The following FLRT2 variants were observed in gnomAD, a reference collection of about 807,000 sequenced individuals.
FLRT2 encodes leucine-rich repeat transmembrane protein FLRT2.
A neutral mutation model predicts 40.0 loss-of-function variants in FLRT2; 15 were observed. The ratio of observed to expected loss-of-function variants is 0.38; its 90% CI spans 0.25 to 0.58. FLRT2 has a LOEUF of 0.58. Ranked by LOEUF, FLRT2 falls within the 20% of genes least tolerant of loss-of-function variation. The probability of loss-of-function intolerance (pLI) is 0.71; values close to 1 mark genes in which losing one functional copy is unlikely to be tolerated. For synonymous variants in FLRT2, 380 were observed against 336.8 expected, an observed-to-expected ratio of 1.13 and a Z score of -1.41; for missense variants, 726 against 840.0, an observed-to-expected ratio of 0.86 and a Z score of 1.68.
chr14:85,613,470 C>A (rs1334643187), intron 1 of FLRT2, among the ~76,000 whole-genome samples: 3 of 152,206 alleles, frequency 2.0e-5, no homozygotes, highest in African/African-American at 7.2e-5. Context: ...ATCGCTCTAT[C>A]TATCCCTCAA....
Position 85,650,937 on chromosome 14 carries a change from C to T in FLRT2, c.*27440C>T, listed in dbSNP as rs908613726. 6.6e-6 allele frequency: 1 copy of T among 151,988 alleles called. No individual in the cohort carries two copies. Among genetic ancestry groups the T allele is most frequent in the Non-Finnish European group, 1.5e-5 (1 of 68,004 alleles). 9.4% of individuals were successfully genotyped at this position (151,988 alleles called of 1,614,324 possible). A position where few individuals can be genotyped will look rare whatever the true frequency, so the allele number is the denominator to read the frequency against. On this transcript the variant is annotated 3_prime_UTR_variant, in exon 2 of 2. Transcript: ENST00000330753. ...TCTTAGCTTACTGTAGACTCCAACT[C>T]CTGGGCTCAAGAGATACTCTCCTGC... is the stretch of plus-strand genomic sequence containing the variant.
At chr14:85,548,236 G>A (rs182253096) in intron 1 of FLRT2, among the ~76,000 whole-genome samples, 27 of 152,256 alleles carry the variant, frequency 1.8e-4, no homozygotes, top group African/African-American at 5.8e-4. Flanking sequence ...CTTCCCATTA[G>A]ATTTAAATAT....
In FLRT2 at chr14:85,539,797, G is replaced by GCACAA. The variant is rs1209990362; in HGVS notation, c.-377+9263_-377+9264insCACAA. 1.1e-3 allele frequency among the ~76,000 whole-genome samples: 172 copies of GCACAA among 152,280 alleles called. 1 individual carries two copies. Among genetic ancestry groups the GCACAA allele is most frequent in the Non-Finnish European group, 9.8e-4 (67 of 68,022 alleles). ...GCCTGTCTTGTGCTATGATAGACTA[G>GCACAA]GTTTTATATAAATAAAATGGTAACC... On this transcript the variant is annotated intron_variant, in intron 1 of 1. Transcript: ENST00000330753.
intron 1 of FLRT2, among the ~76,000 whole-genome samples, chr14:85,554,968 C>T (rs144855339): frequency 5.3e-5 from 8 of 152,284 alleles, no homozygotes; most frequent in Admixed American, 1.3e-4. Context: ...AGATCTATAA[C>T]ATCATCTAAT....
intron 1 of FLRT2, among the ~76,000 whole-genome samples, chr14:85,590,954 A>C (rs1381237089): frequency 6.6e-6 from 1 of 152,124 alleles, no homozygotes; most frequent in Non-Finnish European, 1.5e-5. Context: ...ACTGAGTCAG[A>C]CTTCTAATCA....
chr14:85,557,828 A>AAATT (rs374882762), intron 1 of FLRT2, among the ~76,000 whole-genome samples: 5 of 149,288 alleles, frequency 3.3e-5, no homozygotes, highest in African/African-American at 5.0e-5. Context: ...ATAAATAAAT[A>AAATT]AATTAATTAA....
In FLRT2 at chr14:85,649,890, A is replaced by G. The variant is rs974364821; in HGVS notation, c.*26393A>G. On this transcript the variant is annotated 3_prime_UTR_variant, in exon 2 of 2. Transcript: ENST00000330753. ...CTGAAGAATGAAGCATTTCTGTCCT[A>G]GGTGATTATAAAGTTTGTTGCTATA... 4 of 152,064 alleles carry G rather than the reference A, an allele frequency of 2.6e-5. No individual in the cohort carries two copies. Among genetic ancestry groups the G allele is most frequent in the African/African-American group, 9.7e-5 (4 of 41,436 alleles). 9.4% of individuals were successfully genotyped at this position (152,064 alleles called of 1,614,324 possible).
intron 1 of FLRT2, among the ~76,000 whole-genome samples, chr14:85,565,678 A>G (rs1410993188): frequency 6.6e-6 from 1 of 152,204 alleles, no homozygotes; most frequent in Non-Finnish European, 1.5e-5. Flanking sequence ...TTAAAATAAA[A>G]GTTGGCATTT....
Position 85,649,521 on chromosome 14 carries a change from T to G in FLRT2, c.*26024T>G, listed in dbSNP as rs147314529. Reference sequence around the variant, plus strand: ...TTTGTTATCAGTAGCACACAATATATTGGATTAAGTTTTTGAATGATGTGC... The same window carrying G: ...TTTGTTATCAGTAGCACACAATATAGTGGATTAAGTTTTTGAATGATGTGC... On this transcript the variant is annotated 3_prime_UTR_variant, in exon 2 of 2. Transcript: ENST00000330753. 1.5e-3 allele frequency: 223 copies of G among 152,204 alleles called. No homozygotes were observed. The highest frequency in any genetic ancestry group is 5.1e-3 in the African/African-American group (213 of 41,560). 9.4% of individuals were successfully genotyped at this position (152,204 alleles called of 1,614,324 possible).
chr14:85,534,276 G>A lies in FLRT2; in HGVS notation c.-377+3742G>A, dbSNP rs576652917. On this transcript the variant is annotated intron_variant, in intron 1 of 1. Coordinates refer to ENST00000330753, the MANE Select transcript of FLRT2 (RefSeq NM_013231.6). ...TGGAACGTGAATCCAGGGGCTTTTA[G>A]TATTCTTCAGTCCAGAGAAATGGTT... 3.3e-5 allele frequency among the ~76,000 whole-genome samples: 5 copies of A among 152,242 alleles called. No homozygotes were observed. The South Asian group carries it at 1.0e-3, about 32-fold the overall frequency.
rs1044081460 is a variant in FLRT2 at position 85,621,444 on chromosome 14, G to T, written c.-71G>T. On this transcript the variant is annotated 5_prime_UTR_variant, in exon 2 of 2. Coordinates refer to ENST00000330753, the MANE Select transcript of FLRT2 (RefSeq NM_013231.6). ...CAACAGAACCCCATCCAGTCATTTT[G>T]ATTTTGCTGTTTATTTTTTTTTTCT... 58 of 1,427,186 alleles carry T rather than the reference G, an allele frequency of 4.1e-5. No individual in the cohort carries two copies. Among genetic ancestry groups the T allele is most frequent in the Middle Eastern group, 3.9e-4 (2 of 5,184 alleles). 88.4% of individuals were successfully genotyped at this position (1,427,186 alleles called of 1,614,324 possible). A position where few individuals can be genotyped will look rare whatever the true frequency, so the allele number is the denominator to read the frequency against.
At chr14:85,595,812 C>T (rs1892115857) in intron 1 of FLRT2, among the ~76,000 whole-genome samples, 1 of 152,118 alleles carries the variant, frequency 6.6e-6, no homozygotes, top group Admixed American at 6.5e-5. Context: ...GTAACAGACC[C>T]AGTGGGAAAA....
At chr14:85,586,169 T>A (rs1891606123) in intron 1 of FLRT2, among the ~76,000 whole-genome samples, 1 of 149,556 alleles carries the variant, frequency 6.7e-6, no homozygotes, top group Non-Finnish European at 1.5e-5. Flanking sequence ...CATATTAATA[T>A]AAATATGATT....
intron 1 of FLRT2, among the ~76,000 whole-genome samples, chr14:85,607,473 C>A (rs1201576603): frequency 6.6e-6 from 1 of 152,124 alleles, no homozygotes; most frequent in Non-Finnish European, 1.5e-5. Flanking sequence ...ATTCATTGAA[C>A]AGAAAAGTAG....
In FLRT2 at chr14:85,652,622, T is replaced by G. The variant is rs1304131675; in HGVS notation, c.*29125T>G. 6.6e-6 allele frequency: 1 copy of G among 152,152 alleles called. No homozygotes were observed. The highest frequency in any genetic ancestry group is 2.4e-5 in the African/African-American group (1 of 41,440). The allele number at this position is 152,152 out of a possible 1,614,324, so 9.4% of individuals were successfully genotyped here. A position where few individuals can be genotyped will look rare whatever the true frequency, so the allele number is the denominator to read the frequency against. On this transcript the variant is annotated 3_prime_UTR_variant, in exon 2 of 2. Transcript: ENST00000330753. ...ACATTATGACTTATTAGGCCACAGT[T>G]AAATATGAGCTTCATCTATTAGTGA...
At chr14:85,620,653 A>G (rs1015577630) in intron 1 of FLRT2, among the ~76,000 whole-genome samples, 1 of 152,182 alleles carries the variant, frequency 6.6e-6, no homozygotes, top group African/African-American at 2.4e-5. Flanking sequence ...AAGTGACTTT[A>G]TTAGTCTCCA....
rs370476404 is a variant in FLRT2 at position 85,622,633 on chromosome 14, C to T, written c.1119C>T (p.Ala373=). 6.2e-7 allele frequency: 1 copy of T among 1,613,930 alleles called. No individual in the cohort carries two copies. The highest frequency in any genetic ancestry group is 8.5e-7 in the Non-Finnish European group (1 of 1,180,022). ...CCGGCCTGCCTCTCTTCACCCCAGCCCCAAGTACAGCTTCTCCGACCACTC... is the reference window on the plus strand; with the variant it reads ...CCGGCCTGCCTCTCTTCACCCCAGCTCCAAGTACAGCTTCTCCGACCACTC... ...TTPGLPLFTP[A]PSTASPTTQP... is the part of the protein sequence containing the mutation. Residue 373 remains alanine (A), a synonymous_variant, in exon 2 of 2, where the codon GCC becomes GCT. Coordinates refer to ENST00000330753, the MANE Select transcript of FLRT2 (RefSeq NM_013231.6).
At chr14:85,616,039 A>G (rs1167239397) in intron 1 of FLRT2, among the ~76,000 whole-genome samples, 1 of 152,166 alleles carries the variant, frequency 6.6e-6, no homozygotes, top group African/African-American at 2.4e-5. Flanking sequence ...CTCAGTTCCT[A>G]TGAAAAGAGT....
At chr14:85,545,726 T>C (rs2139816502) in intron 1 of FLRT2, among the ~76,000 whole-genome samples, 1 of 152,354 alleles carries the variant, frequency 6.6e-6, no homozygotes, top group Middle Eastern at 3.4e-3. Context: ...ACATTTTCAG[T>C]ACTAAGGAAA....
Sources: allele counts gnomAD v4.1 joint callset (sites outside exome capture counted in the v4.1 genomes callset), GRCh38; gene constraint gnomAD v4.1.1; transcripts MANE v1.5; gene names NCBI Gene and HGNC (gene_info 2026-07-23, HGNC 2026-07-21).